GPRC5C: variants seen among roughly 807,000 people sequenced by gnomAD.
GPRC5C encodes G protein-coupled receptor class C group 5 member C, also known as G protein-coupled receptor family C group 5 member C.
A neutral mutation model predicts 31.4 loss-of-function variants in GPRC5C; 22 were observed. The observed-to-expected ratio is 0.70, with a 90% CI of 0.50 to 1.00. GPRC5C has a LOEUF of 1.00. Among genes scored for constraint, GPRC5C ranks in the 50% least tolerant of loss-of-function variants. The pLI is 0.00. For missense variants in GPRC5C, 557 were observed against 597.2 expected (o/e 0.93, Z 0.70); for synonymous variants, 249 against 257.5 (o/e 0.97, Z 0.32).
chr17:74,437,797 A>T (rs1249111739), intron 1 of GPRC5C, among the ~76,000 whole-genome samples: 1 of 152,062 alleles, frequency 6.6e-6, no homozygotes, highest in Non-Finnish European at 1.5e-5. Flanking sequence ...AAAAGGAAAA[A>T]GGGTGGCAGC....
intron 3 of GPRC5C, among the ~76,000 whole-genome samples, chr17:74,444,288 TAGAC>T (rs915469196): frequency 2.0e-5 from 3 of 152,092 alleles, no homozygotes; most frequent in Non-Finnish European, 4.4e-5. Context: ...GCTCCCAAAA[TAGAC>T]AGGGGTCCAA....
intron 1 of GPRC5C, among the ~76,000 whole-genome samples, chr17:74,438,096 G>A (rs902144705): frequency 1.3e-5 from 2 of 148,956 alleles, no homozygotes; most frequent in African/African-American, 2.5e-5. Context: ...GTGCAGTGGT[G>A]CAATCGCAGC....
rs1378582408 is a variant in GPRC5C, at chr17:74,434,833, G to A, written c.-33+2692G>A. Among the ~76,000 whole-genome samples, 4 of 151,984 alleles carry A rather than the reference G, an allele frequency of 2.6e-5. No homozygotes were observed. In the East Asian group the frequency reaches 7.7e-4, roughly 29 times the overall value. ...AGCTACTCGGGAGGCTGAGGCAGGA[G>A]AATTGCTTGAACCTGGGAGTTGGAG... On this transcript the variant is annotated intron_variant, in intron 1 of 3. Transcript: ENST00000392627.
At chr17:74,436,382 A>G (rs1598427158) in intron 1 of GPRC5C, among the ~76,000 whole-genome samples, 1 of 152,028 alleles carries the variant, frequency 6.6e-6, no homozygotes, top group East Asian at 1.9e-4. Context: ...GGGACCTGGT[A>G]TGTTTTTTTA....
chr17:74,442,897 T>A (rs2144433235), intron 2 of GPRC5C, among the ~76,000 whole-genome samples: 1 of 151,626 alleles, frequency 6.6e-6, no homozygotes, highest in Middle Eastern at 3.5e-3. Context: ...GGGAGGAGCC[T>A]CAGGCCCCGC....
rs1174498697 is a variant in GPRC5C at position 74,440,605 on chromosome 17, G to T, written c.829G>T (p.Asp277Tyr). 2.5e-6 allele frequency: 4 copies of T among 1,611,762 alleles called. No homozygotes were observed. In the Admixed American group the frequency reaches 5.0e-5, roughly 20 times the overall value. The change falls in exon 2 of 4, where the codon GAC (aspartate) becomes TAC (tyrosine). Residue 277 changes from aspartate to tyrosine, a missense_variant. Asp to Tyr is a radical substitution (Grantham distance 160, BLOSUM62 -3). Coordinates refer to ENST00000392627, the MANE Select transcript of GPRC5C (RefSeq NM_022036.4). The surrounding 1 kb of genome is among the most constrained non-coding windows in gnomAD (Gnocchi z 4.4). ...NKQHNSPTWD[D>Y]PTLAIALAAN... ...GCAGCACAACAGTCCCACCTGGGAT[G>T]ACCCCACGCTGGCCATCGCCCTCGC...
chr17:74,432,104 C>G lies in GPRC5C; in HGVS notation c.-70C>G. The G allele has an allele frequency of 1.2e-6, 2 of 1,613,476 alleles. No individual in the cohort carries two copies. Among genetic ancestry groups the G allele is most frequent in the Non-Finnish European group, 1.7e-6 (2 of 1,179,850 alleles). On this transcript the variant is annotated 5_prime_UTR_variant, in exon 1 of 4. Transcript: ENST00000392627. The stretch of plus-strand genomic sequence containing the variant: ...GGCAGGGCCAGAAACTCCCATCTCC[C>G]TCACCAGCCGGAAAGTACGAGTCGG...
chr17:74,433,793 G>T, intron 1 of GPRC5C: 1 of 1,493,986 alleles, frequency 6.7e-7, no homozygotes, highest in South Asian at 1.1e-5. Context: ...GTGACGCGCT[G>T]GAGCTCTCTT....
At chr17:74,432,282 A>G (rs1348703142) in intron 1 of GPRC5C, 141 bp downstream of exon 1, 15 of 1,476,544 alleles carry the variant, frequency 1.0e-5, no homozygotes, top group Non-Finnish European at 1.3e-5. Flanking sequence ...ACCCTCGCCG[A>G]AAGCAAGGAG....
At chr17:74,449,102 G>GA (rs1392822453), downstream of GPRC5C, among the ~76,000 whole-genome samples, 5 of 150,238 alleles carry the variant, frequency 3.3e-5, no homozygotes, top group East Asian at 9.7e-4. Flanking sequence ...GGTTGTAGGG[G>GA]AAAAAATGTT....
At chr17:74,451,304 T>C (rs964906869), downstream of GPRC5C, 1 of 152,226 alleles carries the variant, frequency 6.6e-6, no homozygotes, top group African/African-American at 2.4e-5. Context: ...CTGAGTCCTC[T>C]GGGGGTCTGC....
At chr17:74,433,871 G>A in intron 1 of GPRC5C, 1 of 838,756 alleles carries the variant, frequency 1.2e-6, no homozygotes, top group Non-Finnish European at 2.1e-6. Context: ...TGATGCTGGA[G>A]CGAGGAAGGG....
chr17:74,434,054 GC>G (rs1191963733), intron 1 of GPRC5C, among the ~76,000 whole-genome samples: 4 of 152,208 alleles, frequency 2.6e-5, no homozygotes, highest in Non-Finnish European at 5.9e-5. Flanking sequence ...GGGAGGTTCA[GC>G]AACTGGACTG....
chr17:74,440,370 G>GGCCTCCCCCTGTGCCATC lies in GPRC5C; in HGVS notation c.598_615dup (p.Ser200_Ala205dup). On this transcript the variant is annotated inframe_insertion, in exon 2 of 4. Transcript: ENST00000392627. The surrounding 1 kb of genome is among the most constrained non-coding windows in gnomAD (Gnocchi z 4.4). The stretch of plus-strand genomic sequence containing the variant: ...GCAACAGCAGCGCAGGCTGGGCCGT[G>GGCCTCCCCCTGTGCCATC]GCCTCCCCCTGTGCCATCGCCAACA... The GGCCTCCCCCTGTGCCATC allele has an allele frequency of 6.2e-7, 1 of 1,614,106 alleles. No homozygotes were observed. Among genetic ancestry groups the GGCCTCCCCCTGTGCCATC allele is most frequent in the Non-Finnish European group, 8.5e-7 (1 of 1,180,012 alleles).
intron 3 of GPRC5C, among the ~76,000 whole-genome samples, chr17:74,444,703 T>G (rs2055600118): frequency 6.6e-6 from 1 of 152,106 alleles, no homozygotes; most frequent in Non-Finnish European, 1.5e-5. Flanking sequence ...AGCCTGAACC[T>G]GAGCCTGGGC....
At chr17:74,435,482 T>C (rs1343079535) in intron 1 of GPRC5C, among the ~76,000 whole-genome samples, 4 of 152,208 alleles carry the variant, frequency 2.6e-5, no homozygotes, top group Non-Finnish European at 5.9e-5. Flanking sequence ...GTTAAGTTAC[T>C]CAGCAACTTA....
chr17:74,444,546 C>T lies in GPRC5C; in HGVS notation c.1146+634C>T, dbSNP rs1186480261. ...AGGCTGTGGGGAGAGGTCAGTGACC[C>T]GTCTTGGCAGGACACTGGGAACAGG... On this transcript the variant is annotated intron_variant, in intron 3 of 3. Transcript: ENST00000392627. Among the ~76,000 whole-genome samples, 4 of 152,144 alleles carry T rather than the reference C, an allele frequency of 2.6e-5. No homozygotes were observed. In the East Asian group the frequency reaches 7.7e-4, roughly 29 times the overall value.
Position 74,447,096 on chromosome 17 carries a change from A to G in GPRC5C, c.*68A>G. 6.5e-7 allele frequency: 1 copy of G among 1,548,676 alleles called. No individual in the cohort carries two copies. The highest frequency in any genetic ancestry group is 1.2e-5 in the South Asian group (1 of 82,038). On this transcript the variant is annotated 3_prime_UTR_variant, in exon 4 of 4. Transcript: ENST00000392627. Reference sequence around the variant, plus strand: ...CTGAGGACCTGGCCCCGGGCAAGGGACTCTCCAGGCTCCTCCTCCCCCTGG... The same window carrying G: ...CTGAGGACCTGGCCCCGGGCAAGGGGCTCTCCAGGCTCCTCCTCCCCCTGG...
At chr17:74,433,359 G>A (rs1294888269) in intron 1 of GPRC5C, among the ~76,000 whole-genome samples, 1 of 151,936 alleles carries the variant, frequency 6.6e-6, no homozygotes, top group African/African-American at 2.4e-5. Flanking sequence ...AGAGCTCAGG[G>A]CATTTTGGCC....
Sources: gnomAD v4.1 joint callset for allele counts (sites outside exome capture counted in the v4.1 genomes callset) on GRCh38, gnomAD v4.1.1 for gene constraint, Gnocchi (gnomAD v3.1) non-coding constraint, MANE v1.5 for transcripts, NCBI Gene and HGNC (gene_info 2026-07-23, HGNC 2026-07-21) for gene names.